MOV10L1: variants seen among roughly 807,000 people sequenced by gnomAD.
MOV10L1 encodes the protein Mov10 like RNA helicase 1.
Under a neutral mutation model 143.8 loss-of-function variants are expected in MOV10L1, and 110 were observed. That is an observed-to-expected ratio of 0.76 (90% CI 0.66 to 0.90). MOV10L1 has a LOEUF of 0.90. Ranked by LOEUF, MOV10L1 falls within the 40% of genes least tolerant of loss-of-function variation. The pLI is 0.00. For missense variants in MOV10L1, 1,406 were observed against 1,526.8 expected (o/e 0.92, Z 1.32); for synonymous variants, 593 against 581.1 (o/e 1.02, Z -0.29).
chr22:50,145,938 C>T (rs532012631), intron 19 of MOV10L1, 128 bp downstream of exon 19: 18 of 1,403,952 alleles, frequency 1.3e-5, no homozygotes, highest in African/African-American at 7.1e-5. Flanking sequence ...GGGCTGTGGG[C>T]GAGAAAGGCT....
At chr22:50,149,755 C>A in intron 20 of MOV10L1, 41 bp downstream of exon 20, 2 of 1,555,766 alleles carry the variant, frequency 1.3e-6, no homozygotes, top group Admixed American at 1.8e-5. Flanking sequence ...CTCCTCACCC[C>A]GTTCTCCTGA....
intron 3 of MOV10L1, among the ~76,000 whole-genome samples, chr22:50,105,162 C>T (rs2061837782): frequency 1.3e-5 from 2 of 152,196 alleles, no homozygotes; most frequent in Admixed American, 1.3e-4. Flanking sequence ...AAAGCAAAAT[C>T]TGTAAAATGT....
chr22:50,109,670 CAAA>C (rs35087419), intron 5 of MOV10L1: 803 of 106,912 alleles, frequency 7.5e-3, no homozygotes, highest in Middle Eastern at 0.022. Flanking sequence ...GACTCCTTCT[CAAA>C]AAAAAAAAAA....
intron 1 of MOV10L1, chr22:50,090,717 C>T (rs8140485): frequency 0.24 from 157,430 of 658,552 alleles, 20,140 homozygotes; most frequent in Admixed American, 0.37. Context: ...GCTCTTGTTG[C>T]CCAGGCTGGA....
intron 19 of MOV10L1, 142 bp from the exon 20 acceptor site, chr22:50,149,473 A>G: frequency 2.9e-6 from 2 of 695,842 alleles, no homozygotes; most frequent in Non-Finnish European, 4.9e-6. Context: ...GCCGGGTGAC[A>G]CCCAGACCCC....
chr22:50,152,579 C>T lies in MOV10L1; in HGVS notation c.2893-466C>T, dbSNP rs1305278858. On this transcript the variant is annotated intron_variant, in intron 21 of 26. Coordinates refer to ENST00000262794, the MANE Select transcript of MOV10L1 (RefSeq NM_018995.3). This position sits in a 1 kb window ranked among gnomAD's most constrained non-coding sequence, Gnocchi z 4.4. Reference sequence around the variant, plus strand: ...GGCCCGCCCAGGGCTGGCCAGGCCCCCAGAGTCACAGTGTCTATGCTCTCC... The same window carrying T: ...GGCCCGCCCAGGGCTGGCCAGGCCCTCAGAGTCACAGTGTCTATGCTCTCC... Among the ~76,000 whole-genome samples the T allele has an allele frequency of 1.3e-5, 2 of 152,174 alleles. No individual in the cohort carries two copies. Among genetic ancestry groups the T allele is most frequent in the Admixed American group, 1.3e-4 (2 of 15,280 alleles).
At chr22:50,153,016 C>G in intron 21 of MOV10L1, 29 bp from the exon 22 acceptor site, 1 of 1,574,218 alleles carries the variant, frequency 6.4e-7, no homozygotes, top group Non-Finnish European at 8.7e-7. Flanking sequence ...ACCACCTTCC[C>G]CTTGTGACCC....
chr22:50,114,273 G>T (rs1180614478), intron 6 of MOV10L1, 108 bp from the exon 7 acceptor site: 1 of 1,307,340 alleles, frequency 7.6e-7, no homozygotes, highest in Admixed American at 2.3e-5. Flanking sequence ...ATATTCATAA[G>T]TGTATTTGCA....
At chr22:50,133,059 T>A (rs12628222) in intron 13 of MOV10L1, among the ~76,000 whole-genome samples, 33,910 of 151,434 alleles carry the variant, frequency 0.22, 4,161 homozygotes, top group Admixed American at 0.35. Flanking sequence ...AAAGACAGTT[T>A]TACTTCTTCT....
intron 3 of MOV10L1, among the ~76,000 whole-genome samples, chr22:50,104,419 C>T (rs2061819286): frequency 1.3e-5 from 2 of 152,194 alleles, no homozygotes; most frequent in Admixed American, 1.3e-4. Flanking sequence ...GGGAGGGGCA[C>T]TCCCTGCCTG....
intron 2 of MOV10L1, among the ~76,000 whole-genome samples, chr22:50,098,927 C>G (rs1047399660): frequency 6.6e-6 from 1 of 152,110 alleles, no homozygotes. Flanking sequence ...TTGAGATCAT[C>G]GTGATTTTTT....
chr22:50,092,091 A>T lies in MOV10L1; in HGVS notation c.188A>T (p.Asp63Val), dbSNP rs2062461087. ...MIDDMIYFSS[D>V]AVTSRVLLNV... ...GATGATATGATCTACTTCTCCAGTG[A>T]TGCTGTGACTAGCAGAGTGCTTCTG... Residue 63 changes from aspartate to valine, a missense_variant, in exon 2 of 27, where the codon GAT (aspartate) becomes GTT (valine). Physicochemically the swap from Asp to Val is radical, Grantham distance 152. Transcript: ENST00000262794. The T allele has an allele frequency of 3.1e-6, 5 of 1,614,176 alleles. No individual in the cohort carries two copies. Among genetic ancestry groups the T allele is most frequent in the Non-Finnish European group, 4.2e-6 (5 of 1,180,026 alleles).
At chr22:50,132,700 G>A (rs954123283) in intron 13 of MOV10L1, among the ~76,000 whole-genome samples, 4 of 152,186 alleles carry the variant, frequency 2.6e-5, no homozygotes, top group Non-Finnish European at 4.4e-5. Context: ...TTCTCCTAGA[G>A]TCTGTAGAAT....
chr22:50,109,485 C>T (rs527509255), intron 5 of MOV10L1, among the ~76,000 whole-genome samples: 5 of 140,884 alleles, frequency 3.5e-5, no homozygotes, highest in South Asian at 4.9e-4. Context: ...CTGGCTAACA[C>T]GGTGAAACCC....
chr22:50,143,291 A>G (rs1177042300), intron 17 of MOV10L1, 70 bp downstream of exon 17: 1 of 1,505,720 alleles, frequency 6.6e-7, no homozygotes, highest in Non-Finnish European at 9.2e-7. Flanking sequence ...GTCTTCAGGA[A>G]GTGTGAGTTT....
chr22:50,117,828 A>T (rs1375827568), intron 9 of MOV10L1, among the ~76,000 whole-genome samples: 1 of 152,238 alleles, frequency 6.6e-6, no homozygotes, highest in East Asian at 1.9e-4. Flanking sequence ...GTGATCTGGG[A>T]CTTGTGGCTG....
At chr22:50,104,891 CTTT>C (rs138212) in intron 3 of MOV10L1, among the ~76,000 whole-genome samples, 13 of 140,078 alleles carry the variant, frequency 9.3e-5, no homozygotes, top group Non-Finnish European at 1.2e-4. Flanking sequence ...ATTGAGCCTT[CTTT>C]TTTTTTTTTT....
At chr22:50,153,664 G>A (rs559416428) in intron 22 of MOV10L1, among the ~76,000 whole-genome samples, 331 of 152,336 alleles carry the variant, frequency 2.2e-3, no homozygotes, top group Non-Finnish European at 3.2e-3. Context: ...CTGCGATCCC[G>A]AGCCGTGCGC....
chr22:50,099,270 G>A (rs2147044232), intron 2 of MOV10L1, among the ~76,000 whole-genome samples, 173 bp from the exon 3 acceptor site: 1 of 152,348 alleles, frequency 6.6e-6, no homozygotes, highest in African/African-American at 2.4e-5. Flanking sequence ...TGAGGACACA[G>A]CAGGAAGACA....
Sources: allele counts gnomAD v4.1 joint callset (sites outside exome capture counted in the v4.1 genomes callset), GRCh38; gene constraint gnomAD v4.1.1; non-coding constraint Gnocchi (gnomAD v3.1); transcripts MANE v1.5; gene names NCBI Gene and HGNC (gene_info 2026-07-23, HGNC 2026-07-21).